Variants in GPC5 observed in about 807,000 individuals in gnomAD.
GPC5 encodes glypican-5.
In GPC5, 47 loss-of-function variants were observed where a neutral mutation model predicts 53.9. The observed-to-expected ratio is 0.87, with a 90% confidence interval of 0.69 to 1.11. GPC5 has a LOEUF of 1.11. Among genes scored for constraint, GPC5 ranks in the 50% most tolerant of loss-of-function variants. The pLI, the probability that GPC5 is intolerant of heterozygous loss-of-function variation, is 0.00. For synonymous variants in GPC5, 286 were observed against 263.3 expected, an observed-to-expected ratio of 1.09 and a Z score of -0.84; for missense variants, 748 against 713.1, an observed-to-expected ratio of 1.05 and a Z score of -0.56.
intron 7 of GPC5, among the ~76,000 whole-genome samples, chr13:92,794,839 A>G (rs1425994954): frequency 6.6e-6 from 1 of 152,176 alleles, no homozygotes; most frequent in Non-Finnish European, 1.5e-5. Context: ...GATGTGAAAG[A>G]TCTCTTCAAG....
At chr13:92,409,693 A>G (rs1034391622) in intron 7 of GPC5, among the ~76,000 whole-genome samples, 1 of 152,158 alleles carries the variant, frequency 6.6e-6, no homozygotes, top group Non-Finnish European at 1.5e-5. Flanking sequence ...TCCTAGAGCA[A>G]CAGTCACACA....
At chr13:92,018,752 A>G (rs2040730140) in intron 6 of GPC5, among the ~76,000 whole-genome samples, 1 of 152,126 alleles carries the variant, frequency 6.6e-6, no homozygotes, top group South Asian at 2.1e-4. Context: ...ATAATTAGTT[A>G]TAATCATAAA....
intron 6 of GPC5, among the ~76,000 whole-genome samples, chr13:92,044,403 A>G (rs1196786519): frequency 2.0e-5 from 3 of 152,188 alleles, no homozygotes; most frequent in Non-Finnish European, 4.4e-5. Flanking sequence ...CTGCCTCTAC[A>G]TGGATTGGGG....
At chr13:91,443,694 A>G (rs1044509170) in intron 1 of GPC5, among the ~76,000 whole-genome samples, 1 of 152,208 alleles carries the variant, frequency 6.6e-6, no homozygotes. Context: ...TAATCCAAGC[A>G]TGAGGAATGC....
At chr13:91,937,359 T>C (rs138460966) in intron 6 of GPC5, among the ~76,000 whole-genome samples, 101 of 152,164 alleles carry the variant, frequency 6.6e-4, no homozygotes, top group Admixed American at 1.8e-3. Flanking sequence ...ACAATATAGG[T>C]CTCTTTTTAC....
At chr13:92,257,801 C>T (rs962461889) in intron 7 of GPC5, among the ~76,000 whole-genome samples, 1 of 151,894 alleles carries the variant, frequency 6.6e-6, no homozygotes, top group African/African-American at 2.4e-5. Flanking sequence ...CCGCCTGCCT[C>T]AGCCTCCCAA....
At chr13:92,244,174 G>C (rs936157572) in intron 7 of GPC5, among the ~76,000 whole-genome samples, 2 of 152,088 alleles carry the variant, frequency 1.3e-5, no homozygotes, top group Non-Finnish European at 2.9e-5. Flanking sequence ...CTTAGTATAG[G>C]TTTAAACTTG....
intron 7 of GPC5, among the ~76,000 whole-genome samples, chr13:92,259,587 C>A (rs2042751122): frequency 6.6e-6 from 1 of 152,098 alleles, no homozygotes; most frequent in Non-Finnish European, 1.5e-5. Context: ...CACTTTGACT[C>A]CTGTTTCTCA....
chr13:91,876,276 G>A (rs2039200893), intron 5 of GPC5, among the ~76,000 whole-genome samples: 1 of 152,186 alleles, frequency 6.6e-6, no homozygotes, highest in Admixed American at 6.5e-5. Context: ...AAATGTGTTA[G>A]CAACTTTGGA....
intron 2 of GPC5, among the ~76,000 whole-genome samples, chr13:91,613,892 A>G (rs1233129947): frequency 6.6e-6 from 1 of 152,194 alleles, no homozygotes; most frequent in Non-Finnish European, 1.5e-5. Context: ...GACCACTAAC[A>G]TTTAAAGTAA....
At chr13:91,423,516 T>C (rs574349471) in intron 1 of GPC5, among the ~76,000 whole-genome samples, 2 of 152,190 alleles carry the variant, frequency 1.3e-5, no homozygotes, top group South Asian at 2.1e-4. Context: ...TTCTTGGATA[T>C]ACATAGGCTT....
At chr13:91,625,400 G>A (rs1235383475) in intron 2 of GPC5, among the ~76,000 whole-genome samples, 1 of 152,020 alleles carries the variant, frequency 6.6e-6, no homozygotes, top group East Asian at 1.9e-4. Context: ...TGAAGTCAAA[G>A]GAAGAATGAT....
chr13:92,120,965 C>A (rs536459341), intron 6 of GPC5, among the ~76,000 whole-genome samples: 39 of 152,180 alleles, frequency 2.6e-4, no homozygotes, highest in African/African-American at 9.2e-4. Context: ...TTTTTAATCC[C>A]AACAGCAAAG....
chr13:91,464,188 C>T (rs1228532360), intron 2 of GPC5, among the ~76,000 whole-genome samples: 1 of 152,090 alleles, frequency 6.6e-6, no homozygotes, highest in Non-Finnish European at 1.5e-5. Context: ...GATATCACTA[C>T]ACCCTATCAA....
chr13:91,849,862 A>G (rs2038893906), intron 5 of GPC5, among the ~76,000 whole-genome samples: 2 of 151,676 alleles, frequency 1.3e-5, no homozygotes, highest in Non-Finnish European at 2.9e-5. Flanking sequence ...GTGACCATGG[A>G]ATATTAGAGC....
At chr13:91,632,501 A>T (rs2034183612) in intron 2 of GPC5, among the ~76,000 whole-genome samples, 1 of 152,174 alleles carries the variant, frequency 6.6e-6, no homozygotes, top group South Asian at 2.1e-4. Context: ...GGAGGGTTAT[A>T]TTAGAAAATA....
intron 6 of GPC5, among the ~76,000 whole-genome samples, chr13:92,085,534 A>C (rs959706337): frequency 1.3e-5 from 2 of 152,174 alleles, no homozygotes; most frequent in African/African-American, 2.4e-5. Flanking sequence ...TTTTTTTCAC[A>C]GACCTGGTGG....
chr13:92,144,978 A>G lies in GPC5; in HGVS notation c.1550A>G (p.Lys517Arg). ...SGSGEVKRTL[K>R]ITDWMPDDMN... ...AGTGGAGAAGTCAAGAGGACACTGA[A>G]GATCACAGACTGTAAGTGTATGATT... is the stretch of plus-strand genomic sequence containing the variant. The change falls in exon 7 of 8, where the codon AAG becomes AGG. Residue 517 changes from lysine (K) to arginine (R), a missense_variant. Physicochemically the swap from Lys to Arg is conservative, Grantham distance 26. Coordinates refer to ENST00000377067, the MANE Select transcript of GPC5 (RefSeq NM_004466.6). The G allele has an allele frequency of 6.6e-7, 1 of 1,517,976 alleles. No individual in the cohort carries two copies. The highest frequency in any genetic ancestry group is 8.8e-7 in the Non-Finnish European group (1 of 1,137,682). 94.0% of individuals were successfully genotyped at this position (1,517,976 alleles called of 1,614,324 possible).
At chr13:92,808,573 C>T (rs1319210825) in intron 7 of GPC5, among the ~76,000 whole-genome samples, 1 of 151,992 alleles carries the variant, frequency 6.6e-6, no homozygotes, top group Non-Finnish European at 1.5e-5. Context: ...ATCTATAACA[C>T]TCAAATTATG....
Sources: gnomAD v4.1 joint callset for allele counts (sites outside exome capture counted in the v4.1 genomes callset) on GRCh38, gnomAD v4.1.1 for gene constraint, MANE v1.5 for transcripts, NCBI Gene and HGNC (gene_info 2026-07-23, HGNC 2026-07-21) for gene names.